Variants in CDKL5 observed in about 807,000 individuals in gnomAD.
CDKL5 encodes cyclin dependent kinase like 5, also known as cyclin-dependent kinase-like 5.
CDKL5 carries 8 observed loss-of-function variants against 61.7 expected under a neutral mutation model. The ratio of observed to expected loss-of-function variants is 0.13; its 90% CI spans 0.08 to 0.23. CDKL5 has a LOEUF of 0.23. CDKL5 is among the 10% of genes least tolerant of loss of function. The pLI, the probability that CDKL5 is intolerant of heterozygous loss-of-function variation, is 1.00. For missense variants in CDKL5, 440 were observed against 734.5 expected (o/e 0.60, Z 4.63); for synonymous variants, 275 against 272.3 (o/e 1.01, Z -0.10).
intron 3 of CDKL5, among the ~76,000 whole-genome samples, chrX:18,530,372 C>A (rs1190800543): frequency 9.2e-6 from 1 of 108,452 alleles, no homozygotes; most frequent in Non-Finnish European, 1.9e-5. Context: ...TTTCTTTTTT[C>A]CTCTTTCCAT....
intron 8 of CDKL5, among the ~76,000 whole-genome samples, chrX:18,586,961 G>A (rs1488615451): frequency 8.9e-6 from 1 of 111,835 alleles, no homozygotes; most frequent in Non-Finnish European, 1.9e-5. Context: ...ATGAAATATT[G>A]ACTTATTATT....
chrX:18,450,261 A>G (rs1245145492), intron 1 of CDKL5, among the ~76,000 whole-genome samples: 3 of 111,554 alleles, frequency 2.7e-5, no homozygotes, highest in Non-Finnish European at 5.7e-5. Context: ...ATGAAAATCT[A>G]CTCCTGGTTT....
intron 7 of CDKL5, among the ~76,000 whole-genome samples, chrX:18,583,417 A>C (rs764645505): frequency 8.9e-6 from 1 of 112,152 alleles, no homozygotes; most frequent in African/African-American, 3.2e-5. Flanking sequence ...GTGTCTTATG[A>C]AGAAACATTG....
chrX:18,648,544 C>T (rs1019225471), intron 20 of CDKL5, among the ~76,000 whole-genome samples: 14 of 111,553 alleles, frequency 1.3e-4, no homozygotes, highest in Non-Finnish European at 2.4e-4. Context: ...CACCCAGCCT[C>T]CCCTTCTTTT....
downstream of CDKL5, among the ~76,000 whole-genome samples, chrX:18,643,165 G>A (rs1160384941): frequency 8.9e-6 from 1 of 111,766 alleles, no homozygotes; most frequent in African/African-American, 3.3e-5. Flanking sequence ...AAAACATGCT[G>A]TGGGTGTTTG....
intron 1 of CDKL5, among the ~76,000 whole-genome samples, chrX:18,436,600 T>C (rs1265998384): frequency 9.0e-6 from 1 of 110,548 alleles, no homozygotes; most frequent in Non-Finnish European, 1.9e-5. Flanking sequence ...AACAGAACCT[T>C]TTAAAGAACT....
intron 3 of CDKL5, among the ~76,000 whole-genome samples, chrX:18,533,819 T>A (rs1052544699): frequency 8.9e-6 from 1 of 111,926 alleles, no homozygotes; most frequent in African/African-American, 3.3e-5. Context: ...TTGACATCCC[T>A]TACTTTTTGT....
intron 1 of CDKL5, among the ~76,000 whole-genome samples, chrX:18,445,326 C>T (rs762855618): frequency 9.0e-6 from 1 of 111,448 alleles, no homozygotes; most frequent in Non-Finnish European, 1.9e-5. Flanking sequence ...GATCTGCCCG[C>T]CTCAGCCTCC....
intron 16 of CDKL5, among the ~76,000 whole-genome samples, chrX:18,624,205 GCAAA>G (rs1308500170): frequency 8.9e-6 from 1 of 112,134 alleles, no homozygotes; most frequent in Non-Finnish European, 1.9e-5. Context: ...AGTCTATTAA[GCAAA>G]CAAACTAGTG....
intron 1 of CDKL5, among the ~76,000 whole-genome samples, chrX:18,490,612 A>T (rs1031518596): frequency 9.0e-6 from 1 of 111,711 alleles, no homozygotes; most frequent in African/African-American, 3.2e-5. Context: ...ATATCTTTTT[A>T]AAAAATTGTA....
intron 3 of CDKL5, among the ~76,000 whole-genome samples, chrX:18,530,331 G>A (rs1301971249): frequency 1.1e-5 from 1 of 90,627 alleles, no homozygotes; most frequent in African/African-American, 4.2e-5. Flanking sequence ...GTGAGGCTCC[G>A]TCTCAAAAAA....
rs1927468710 is a variant in CDKL5 at position 18,638,751 on chromosome X, A to T, written c.*9994A>T. Among the ~76,000 whole-genome samples, 1 of 112,323 alleles carries T rather than the reference A, an allele frequency of 8.9e-6. No homozygotes were observed. The highest frequency in any genetic ancestry group is 9.5e-5 in the Admixed American group (1 of 10,552). On this transcript the variant is annotated 3_prime_UTR_variant, in exon 18 of 18. Transcript: ENST00000623535. ...TTATAATTCATATGGAAATTCAAGG[A>T]ACCCAGAATAGCCAAAACAATCCCG...
At chrX:18,496,735 T>G (rs1434115541) in intron 1 of CDKL5, among the ~76,000 whole-genome samples, 2 of 112,158 alleles carry the variant, frequency 1.8e-5, no homozygotes, top group African/African-American at 6.5e-5. Context: ...TATACTAGGT[T>G]AATCATCTCT....
At chrX:18,572,581 A>G (rs1310069293) in intron 4 of CDKL5, among the ~76,000 whole-genome samples, 1 of 112,061 alleles carries the variant, frequency 8.9e-6, no homozygotes. Context: ...GGGAGAAGAG[A>G]AAATTCAGTT....
intron 1 of CDKL5, among the ~76,000 whole-genome samples, chrX:18,441,077 G>A (rs1931730246): frequency 9.0e-6 from 1 of 111,213 alleles, no homozygotes; most frequent in Non-Finnish European, 1.9e-5. Flanking sequence ...AGGGTCTGTG[G>A]AGGTTGTGAA....
chrX:18,484,330 G>GT (rs1225670469), intron 1 of CDKL5, among the ~76,000 whole-genome samples: 1 of 108,657 alleles, frequency 9.2e-6, no homozygotes, highest in Admixed American at 9.8e-5. Context: ...TTTTTTTTTG[G>GT]GGGGGGGACA....
At chrX:18,437,417 C>T (rs1165338915) in intron 1 of CDKL5, among the ~76,000 whole-genome samples, 1 of 112,098 alleles carries the variant, frequency 8.9e-6, no homozygotes. Flanking sequence ...AAATTCTTTG[C>T]TGTTTTTTTC....
At chrX:18,605,979 C>T (rs1259200716) in intron 12 of CDKL5, among the ~76,000 whole-genome samples, 2 of 111,868 alleles carry the variant, frequency 1.8e-5, no homozygotes, top group East Asian at 2.8e-4. Context: ...GTCAGGAGAT[C>T]GAGACTATCC....
chrX:18,630,229 C>T lies in CDKL5; in HGVS notation c.*1472C>T. ...ATCAGAACAGGACCTATCTTCCCCT[C>T]ATCTGATCTCTTTCAGCTCCCAAGT... On this transcript the variant is annotated 3_prime_UTR_variant, in exon 18 of 18. Coordinates refer to ENST00000623535, the MANE Select transcript of CDKL5 (RefSeq NM_001323289.2). 1.3e-6 allele frequency: 1 copy of T among 753,734 alleles called. No individual in the cohort carries two copies. Among genetic ancestry groups the T allele is most frequent in the Non-Finnish European group, 1.6e-6 (1 of 639,210 alleles). 62.1% of individuals were successfully genotyped at this position (753,734 alleles called of 1,213,427 possible).
Sources: gnomAD v4.1 joint callset for allele counts (sites outside exome capture counted in the v4.1 genomes callset) on GRCh38, gnomAD v4.1.1 for gene constraint, MANE v1.5 for transcripts, NCBI Gene and HGNC (gene_info 2026-07-23, HGNC 2026-07-21) for gene names.